KCNQ3: variants seen among roughly 807,000 people sequenced by gnomAD.
KCNQ3 encodes the protein potassium voltage-gated channel subfamily KQT member 3.
KCNQ3 carries 30 observed loss-of-function variants against 92.5 expected under a neutral mutation model. The observed-to-expected ratio is 0.32, with a 90% CI of 0.24 to 0.44. The LOEUF (loss-of-function observed/expected upper bound fraction) is 0.44. Ranked by LOEUF, KCNQ3 falls within the 20% of genes least tolerant of loss-of-function variation. KCNQ3 has a pLI of 1.00. For synonymous variants in KCNQ3, 450 were observed against 468.8 expected (o/e 0.96, Z 0.52); for missense variants, 913 against 1,140.3 (o/e 0.80, Z 2.87).
chr8:132,200,863 T>C (rs1022900531), intron 1 of KCNQ3, among the ~76,000 whole-genome samples: 1 of 152,186 alleles, frequency 6.6e-6, no homozygotes, highest in African/African-American at 2.4e-5. Context: ...CCCAGGTGCA[T>C]GTTTACAGAT....
At chr8:132,310,133 G>A (rs372522010) in intron 1 of KCNQ3, among the ~76,000 whole-genome samples, 3 of 152,234 alleles carry the variant, frequency 2.0e-5, no homozygotes, top group South Asian at 4.1e-4. Context: ...ATATATCTCC[G>A]TGTACCCCAT....
chr8:132,302,037 G>A (rs1291848750), intron 1 of KCNQ3, among the ~76,000 whole-genome samples: 2 of 152,158 alleles, frequency 1.3e-5, no homozygotes, highest in Non-Finnish European at 2.9e-5. Context: ...ACTCGAGTGG[G>A]GCTGGAAGAC....
intron 1 of KCNQ3, among the ~76,000 whole-genome samples, chr8:132,354,159 G>A (rs1459791870): frequency 6.6e-6 from 1 of 152,196 alleles, no homozygotes; most frequent in African/African-American, 2.4e-5. Context: ...GAACCCCCAT[G>A]TGTTTGAAGA....
intron 1 of KCNQ3, among the ~76,000 whole-genome samples, chr8:132,349,614 T>A (rs536789241): frequency 1.3e-5 from 2 of 152,302 alleles, no homozygotes; most frequent in African/African-American, 4.8e-5. Flanking sequence ...CTCTTACACC[T>A]CCACCAAGCC....
intron 1 of KCNQ3, among the ~76,000 whole-genome samples, chr8:132,323,357 G>A (rs1239052800): frequency 6.6e-6 from 1 of 152,178 alleles, no homozygotes. Flanking sequence ...TTTACTGGAA[G>A]ACGGCCATGC....
chr8:132,154,205 T>TTTTTTTTTTTTTTTG (rs1825732969), intron 9 of KCNQ3, among the ~76,000 whole-genome samples: 1 of 141,918 alleles, frequency 7.0e-6, no homozygotes, highest in Non-Finnish European at 1.5e-5. Flanking sequence ...TTTTTTTTTT[T>TTTTTTTTTTTTTTTG]TTTTTTTTTT....
chr8:132,427,183 G>A (rs1307303001), intron 1 of KCNQ3, among the ~76,000 whole-genome samples: 4 of 152,202 alleles, frequency 2.6e-5, no homozygotes, highest in Non-Finnish European at 5.9e-5. Context: ...GTCTGCCATG[G>A]GCAGGGGTGT....
At chr8:132,162,047 A>G (rs1375557511) in intron 9 of KCNQ3, among the ~76,000 whole-genome samples, 2 of 152,216 alleles carry the variant, frequency 1.3e-5, no homozygotes, top group Non-Finnish European at 2.9e-5. Context: ...CCCAGCAATA[A>G]TGGGATAGAT....
chr8:132,324,100 T>C (rs1183081402), intron 1 of KCNQ3, among the ~76,000 whole-genome samples: 1 of 152,196 alleles, frequency 6.6e-6, no homozygotes, highest in Non-Finnish European at 1.5e-5. Flanking sequence ...CCTCAGTCTG[T>C]AATTCCCTCT....
intron 12 of KCNQ3, among the ~76,000 whole-genome samples, chr8:132,137,028 A>T (rs1232961515): frequency 6.2e-4 from 87 of 141,174 alleles, no homozygotes; most frequent in African/African-American, 2.0e-3. Flanking sequence ...CCATGCCTGG[A>T]TTTTTTTTTT....
intron 9 of KCNQ3, among the ~76,000 whole-genome samples, chr8:132,160,425 C>T (rs1825949854): frequency 6.6e-6 from 1 of 152,164 alleles, no homozygotes; most frequent in South Asian, 2.1e-4. Flanking sequence ...CAACTCATCC[C>T]TGAATTAGGT....
At chr8:132,436,010 A>T (rs775072582) in intron 1 of KCNQ3, among the ~76,000 whole-genome samples, 17 of 152,234 alleles carry the variant, frequency 1.1e-4, no homozygotes, top group Admixed American at 2.6e-4. Flanking sequence ...TGGCTTTTTT[A>T]AAACATCTCA....
intron 1 of KCNQ3, among the ~76,000 whole-genome samples, chr8:132,420,650 A>AT (rs1820942291): frequency 6.6e-6 from 1 of 152,258 alleles, no homozygotes; most frequent in Non-Finnish European, 1.5e-5. Context: ...CTGGGAAAGC[A>AT]TAAGTGTTTA....
chr8:132,356,565 G>T (rs577565592), intron 1 of KCNQ3, among the ~76,000 whole-genome samples: 1 of 152,178 alleles, frequency 6.6e-6, no homozygotes, highest in Non-Finnish European at 1.5e-5. Context: ...CTTGGAAACA[G>T]AATATCAGGA....
intron 11 of KCNQ3, among the ~76,000 whole-genome samples, chr8:132,138,939 G>A (rs562821570): frequency 7.9e-5 from 12 of 152,256 alleles, no homozygotes; most frequent in African/African-American, 2.9e-4. Flanking sequence ...GTTCCATACA[G>A]GTGAGAATCT....
Position 132,300,066 on chromosome 8 carries a change from C to A in KCNQ3, c.387-113885G>T, listed in dbSNP as rs1034529869. ...CCCTGACTGAGGACAAGGATTAGGT[C>A]TCATTCATCTTTGTCTCCAATAACA... On this transcript the variant is annotated intron_variant, in intron 1 of 14. Coordinates refer to ENST00000388996, the MANE Select transcript of KCNQ3 (RefSeq NM_004519.4). Among the ~76,000 whole-genome samples, 3 of 152,186 alleles carry A rather than the reference C, an allele frequency of 2.0e-5. No homozygotes were observed. In the South Asian group the frequency reaches 6.2e-4, roughly 31 times the overall value.
At chr8:132,394,441 C>T (rs1234962684) in intron 1 of KCNQ3, among the ~76,000 whole-genome samples, 2 of 152,208 alleles carry the variant, frequency 1.3e-5, no homozygotes, top group Non-Finnish European at 2.9e-5. Flanking sequence ...AGAGTGTGAC[C>T]TCCCACCCCC....
At chr8:132,301,039 G>A (rs1817198797) in intron 1 of KCNQ3, among the ~76,000 whole-genome samples, 1 of 152,106 alleles carries the variant, frequency 6.6e-6, no homozygotes, top group African/African-American at 2.4e-5. Flanking sequence ...GGTGCCTTCT[G>A]GCTGGCTAGT....
intron 1 of KCNQ3, among the ~76,000 whole-genome samples, chr8:132,426,969 G>T (rs564478890): frequency 1.3e-5 from 2 of 152,124 alleles, no homozygotes; most frequent in African/African-American, 2.4e-5. Flanking sequence ...GGACAGTAGG[G>T]CACAGATTAA....
Sources: allele counts gnomAD v4.1 joint callset (sites outside exome capture counted in the v4.1 genomes callset), GRCh38; gene constraint gnomAD v4.1.1; transcripts MANE v1.5; gene names NCBI Gene and HGNC (gene_info 2026-07-23, HGNC 2026-07-21).